The following CDK15 variants were observed in gnomAD, a reference collection of about 807,000 sequenced individuals.
CDK15 encodes the protein cyclin-dependent kinase 15.
CDK15 carries 62 observed loss-of-function variants against 60.3 expected under a neutral mutation model. The ratio of observed to expected loss-of-function variants is 1.03; its 90% CI spans 0.84 to 1.27. The LOEUF is 1.27. CDK15 is among the 50% of genes most tolerant of loss of function. CDK15 has a pLI of 0.00. For synonymous variants in CDK15, 194 were observed against 195.7 expected (o/e 0.99, Z 0.07); for missense variants, 541 against 527.8 (o/e 1.03, Z -0.25).
intron 8 of CDK15, among the ~76,000 whole-genome samples, chr2:201,836,410 C>G (rs2105748818): frequency 6.6e-6 from 1 of 151,292 alleles, no homozygotes; most frequent in African/African-American, 2.4e-5. Flanking sequence ...GAACTGAGAC[C>G]CACAGAGTTC....
intron 4 of CDK15, among the ~76,000 whole-genome samples, chr2:201,816,254 G>C (rs547003186): frequency 6.6e-6 from 1 of 152,050 alleles, no homozygotes; most frequent in South Asian, 2.1e-4. Flanking sequence ...TTTTCAACCC[G>C]TGTCCCTCTC....
In CDK15 at chr2:201,806,781, G is replaced by A. The variant is rs569785795; in HGVS notation, c.117G>A (p.Ala39=). The A allele has an allele frequency of 1.4e-5, 22 of 1,598,414 alleles. No homozygotes were observed. The highest frequency in any genetic ancestry group is 1.7e-5 in the Non-Finnish European group (20 of 1,179,622). The change falls in exon 1 of 14, where the codon GCG becomes GCA. Residue 39 remains alanine (A), a synonymous_variant. Coordinates refer to ENST00000652192, the MANE Select transcript of CDK15 (RefSeq NM_001366386.2). The part of the protein sequence containing the change: ...RRSQPETTEA[A]FKLTDLKEAS... Reference sequence around the variant, plus strand: ...GTCAGCCTGAGACCACGGAGGCTGCGTTCAAGGTATTTGTATCCCAGGAGA... The same window carrying A: ...GTCAGCCTGAGACCACGGAGGCTGCATTCAAGGTATTTGTATCCCAGGAGA...
chr2:201,834,558 A>G (rs1696923713), intron 7 of CDK15, among the ~76,000 whole-genome samples: 1 of 152,194 alleles, frequency 6.6e-6, no homozygotes, highest in Non-Finnish European at 1.5e-5. Flanking sequence ...ACATACAAAT[A>G]TATATACATG....
At chr2:201,831,738 A>G (rs1207825241) in intron 6 of CDK15, among the ~76,000 whole-genome samples, 1 of 152,188 alleles carries the variant, frequency 6.6e-6, no homozygotes, top group African/African-American at 2.4e-5. Context: ...AGGCATTTCA[A>G]GCTGACCTAC....
intron 6 of CDK15, among the ~76,000 whole-genome samples, chr2:201,831,777 C>A (rs967249675): frequency 2.6e-5 from 4 of 152,196 alleles, no homozygotes; most frequent in Non-Finnish European, 5.9e-5. Flanking sequence ...ACTCAGCCAG[C>A]TGGCTCTCTC....
intron 4 of CDK15, among the ~76,000 whole-genome samples, chr2:201,821,685 T>G (rs34655396): frequency 0.033 from 5,099 of 152,232 alleles, 182 homozygotes; most frequent in Admixed American, 0.091. Context: ...CATCTCTTTT[T>G]TTTGAGATGG....
At chr2:201,880,313 G>A in intron 12 of CDK15, 146 bp downstream of exon 12, 2 of 993,070 alleles carry the variant, frequency 2.0e-6, no homozygotes, top group Non-Finnish European at 1.5e-6. Flanking sequence ...AGTTTGCCTG[G>A]GAGAAGCAAG....
At chr2:201,889,328 A>G in intron 12 of CDK15, 1 of 985,342 alleles carries the variant, frequency 1.0e-6, no homozygotes, top group Non-Finnish European at 1.2e-6. Flanking sequence ...GCCCTGAGTA[A>G]ATTTTGCGGA....
At chr2:201,848,566 C>T (rs566392620) in intron 9 of CDK15, among the ~76,000 whole-genome samples, 1 of 152,240 alleles carries the variant, frequency 6.6e-6, no homozygotes, top group African/African-American at 2.4e-5. Context: ...CCCACACTCC[C>T]CTAGCCCCTA....
At chr2:201,824,801 C>T in intron 6 of CDK15, 1 of 678,062 alleles carries the variant, frequency 1.5e-6, no homozygotes, top group South Asian at 2.4e-5. Flanking sequence ...GTGAAACACC[C>T]TCAGCCATCT....
chr2:201,887,029 C>G (rs1699475026), intron 12 of CDK15, among the ~76,000 whole-genome samples: 1 of 152,150 alleles, frequency 6.6e-6, no homozygotes, highest in South Asian at 2.1e-4. Flanking sequence ...GGGGAAAACC[C>G]TAAAACCTAG....
intron 10 of CDK15, chr2:201,861,686 G>A (rs1861236): frequency 0.044 from 10,888 of 247,820 alleles, 372 homozygotes; most frequent in East Asian, 0.22. Flanking sequence ...TCAGCCTCCC[G>A]AGTAGGTGGG....
chr2:201,810,837 CTTTTTT>C (rs199591982), intron 3 of CDK15, among the ~76,000 whole-genome samples: 4 of 123,638 alleles, frequency 3.2e-5, no homozygotes, highest in South Asian at 4.7e-4. Context: ...GGTATGCACT[CTTTTTT>C]TTTTTTTTTT....
At chr2:201,869,647 T>C (rs1698781299) in intron 10 of CDK15, among the ~76,000 whole-genome samples, 4 of 152,076 alleles carry the variant, frequency 2.6e-5, no homozygotes, top group Admixed American at 1.3e-4. Flanking sequence ...AGAGTCTGTA[T>C]TGAAACCCTA....
At chr2:201,862,144 A>C (rs959498505) in intron 10 of CDK15, among the ~76,000 whole-genome samples, 6 of 152,180 alleles carry the variant, frequency 3.9e-5, no homozygotes, top group African/African-American at 1.4e-4. Context: ...TGATGGGTCC[A>C]TTCTGCTCCC....
intron 11 of CDK15, among the ~76,000 whole-genome samples, chr2:201,879,387 T>C (rs1212170530): frequency 6.6e-6 from 1 of 152,174 alleles, no homozygotes; most frequent in Non-Finnish European, 1.5e-5. Context: ...ATGTTTTTTG[T>C]TTGTTTGTTT....
At chr2:201,867,179 TACA>T (rs1304620988) in intron 10 of CDK15, among the ~76,000 whole-genome samples, 5 of 152,188 alleles carry the variant, frequency 3.3e-5, no homozygotes, top group African/African-American at 1.2e-4. Context: ...ATTAAATTCT[TACA>T]ACAACCTCAT....
chr2:201,866,488 T>C (rs1698638559), intron 10 of CDK15, among the ~76,000 whole-genome samples: 2 of 152,198 alleles, frequency 1.3e-5, no homozygotes, highest in Non-Finnish European at 2.9e-5. Context: ...ATTTAAATGC[T>C]CTGCTTTATT....
chr2:201,881,936 G>A (rs571461570), intron 12 of CDK15, among the ~76,000 whole-genome samples: 2 of 152,062 alleles, frequency 1.3e-5, no homozygotes, highest in East Asian at 3.9e-4. Context: ...TCCACTTAAA[G>A]AAACTTTCCC....
Sources: allele counts gnomAD v4.1 joint callset (sites outside exome capture counted in the v4.1 genomes callset), GRCh38; gene constraint gnomAD v4.1.1; transcripts MANE v1.5; gene names NCBI Gene and HGNC (gene_info 2026-07-23, HGNC 2026-07-21).